Variants in USP8 observed in about 807,000 individuals in gnomAD.
USP8 encodes ubiquitin specific peptidase 8.
A neutral mutation model predicts 130.0 loss-of-function variants in USP8; 27 were observed. The ratio of observed to expected loss-of-function variants is 0.21; its 90% CI spans 0.15 to 0.29. The LOEUF is 0.29. USP8 is among the 10% of genes least tolerant of loss of function. The probability of loss-of-function intolerance (pLI) is 1.00; values close to 1 mark genes in which losing one functional copy is unlikely to be tolerated. For synonymous variants in USP8, 392 were observed against 444.1 expected (o/e 0.88, Z 1.48); for missense variants, 1,029 against 1,312.2 (o/e 0.78, Z 3.33).
intron 1 of USP8, among the ~76,000 whole-genome samples, chr15:50,435,912 T>G (rs1456192699): frequency 6.6e-6 from 1 of 152,184 alleles, no homozygotes; most frequent in Non-Finnish European, 1.5e-5. Flanking sequence ...TGTCTAATCA[T>G]TTGCCAAGTC....
chr15:50,438,309 C>T (rs749387975), intron 1 of USP8, among the ~76,000 whole-genome samples: 1 of 152,200 alleles, frequency 6.6e-6, no homozygotes, highest in African/African-American at 2.4e-5. Context: ...AGTAGCCAGA[C>T]GTGGTGGCTT....
At chr15:50,430,551 C>T (rs978410514) in intron 1 of USP8, among the ~76,000 whole-genome samples, 2 of 152,058 alleles carry the variant, frequency 1.3e-5, no homozygotes, top group Admixed American at 6.6e-5. Flanking sequence ...GCGCATGCCA[C>T]CATGCCCTGC....
intron 10 of USP8, among the ~76,000 whole-genome samples, chr15:50,479,981 G>A (rs550528651): frequency 6.6e-6 from 1 of 152,100 alleles, no homozygotes; most frequent in South Asian, 2.1e-4. Context: ...GGCTGGTCTC[G>A]AACTCCTGGC....
At chr15:50,481,295 G>A (rs1196061418) in intron 10 of USP8, among the ~76,000 whole-genome samples, 186 bp from the exon 11 acceptor site, 1 of 152,186 alleles carries the variant, frequency 6.6e-6, no homozygotes, top group Non-Finnish European at 1.5e-5. Context: ...TTCCAGTGAT[G>A]TTTGAATATC....
chr15:50,445,124 T>C (rs562711442), intron 3 of USP8, among the ~76,000 whole-genome samples: 2 of 152,306 alleles, frequency 1.3e-5, no homozygotes, highest in African/African-American at 4.8e-5. Context: ...ACTTCAGCTA[T>C]GTGAGGTGCT....
chr15:50,449,494 A>G lies in USP8; in HGVS notation c.335+9A>G. 6.7e-7 allele frequency: 1 copy of G among 1,481,860 alleles called. No homozygotes were observed. The highest frequency in any genetic ancestry group is 9.1e-7 in the Non-Finnish European group (1 of 1,096,154). The allele number at this position is 1,481,860 out of a possible 1,614,324, so 91.8% of individuals were successfully genotyped here. A position where few individuals can be genotyped will look rare whatever the true frequency, so the allele number is the denominator to read the frequency against. On this transcript the variant is annotated intron_variant, in intron 4 of 19. Transcript: ENST00000307179. Reference sequence around the variant, plus strand: ...GAAAGCCTTAAATTAAGGTACAGATATTATGAAATATTTAAAATAATGTAA... The same window carrying G: ...GAAAGCCTTAAATTAAGGTACAGATGTTATGAAATATTTAAAATAATGTAA...
At position 50,500,707 on chromosome 15, in the gene USP8, TC is replaced by T. The variant is rs1194544039; in HGVS notation, c.*1621del. On this transcript the variant is annotated 3_prime_UTR_variant, in exon 20 of 20. Coordinates refer to ENST00000307179, the MANE Select transcript of USP8 (RefSeq NM_005154.5). Reference sequence around the variant, plus strand: ...GGGCTGGCAGCTATAGAACAGGAGATCCATAGCATTTTGAACAGAAGTATCT... The same window carrying T: ...GGGCTGGCAGCTATAGAACAGGAGATCATAGCATTTTGAACAGAAGTATCT... 4.1e-6 allele frequency: 6 copies of T among 1,471,518 alleles called. No individual in the cohort carries two copies. The Admixed American group carries it at 9.8e-5, about 24-fold the overall frequency. The allele number at this position is 1,471,518 out of a possible 1,614,324, so 91.2% of individuals were successfully genotyped here.
intron 1 of USP8, among the ~76,000 whole-genome samples, chr15:50,425,012 A>G (rs927491321): frequency 6.6e-6 from 1 of 151,608 alleles, no homozygotes; most frequent in African/African-American, 2.4e-5. Flanking sequence ...TTTTTCCCCT[A>G]AAAAGTGCCT....
At chr15:50,468,718 A>G (rs779678526) in intron 7 of USP8, among the ~76,000 whole-genome samples, 7 of 152,014 alleles carry the variant, frequency 4.6e-5, no homozygotes, top group Non-Finnish European at 8.8e-5. Flanking sequence ...TCCCCCCTCA[A>G]GTAGACCCCA....
chr15:50,459,283 T>C, intron 5 of USP8, 121 bp downstream of exon 5: 8 of 1,336,164 alleles, frequency 6.0e-6, no homozygotes, highest in Non-Finnish European at 8.0e-6. Context: ...TTTAATGTTT[T>C]AATTAGAAAT....
At chr15:50,444,802 G>A (rs1162170150) in intron 3 of USP8, among the ~76,000 whole-genome samples, 1 of 152,134 alleles carries the variant, frequency 6.6e-6, no homozygotes, top group Non-Finnish European at 1.5e-5. Flanking sequence ...CGTCACCCAG[G>A]TTGGAGTGCG....
chr15:50,494,285 G>A lies in USP8; in HGVS notation c.2658+5G>A. 2 of 1,591,512 alleles carry A rather than the reference G, an allele frequency of 1.3e-6. No individual in the cohort carries two copies. Among genetic ancestry groups the A allele is most frequent in the Non-Finnish European group, 1.7e-6 (2 of 1,173,288 alleles). ...CTCCATGAAGATCTAAATAAAGTAA[G>A]AAATTTGATTTTTCTAAGTTGCAGA... On this transcript the variant is annotated splice_donor_5th_base_variant and intron_variant, in intron 16 of 19. Transcript: ENST00000307179.
chr15:50,479,751 GTTTTCTTTTTC>G (rs1292918821), intron 10 of USP8, among the ~76,000 whole-genome samples: 1 of 151,420 alleles, frequency 6.6e-6, no homozygotes, highest in Non-Finnish European at 1.5e-5. Flanking sequence ...CACTAACCTC[GTTTTCTTTTTC>G]TTTTCTTTTT....
At position 50,444,772 on chromosome 15, in the gene USP8, C is replaced by T. The variant is rs73403131; in HGVS notation, c.249+3279C>T. Reference sequence around the variant, plus strand: ...GTCTTAGAACTGTTTTTTGTTTGTTCTGAGACAGAATCTCACTTCCGTCAC... The same window carrying T: ...GTCTTAGAACTGTTTTTTGTTTGTTTTGAGACAGAATCTCACTTCCGTCAC... On this transcript the variant is annotated intron_variant, in intron 3 of 19. Coordinates refer to ENST00000307179, the MANE Select transcript of USP8 (RefSeq NM_005154.5). Among the ~76,000 whole-genome samples, 392 of 152,060 alleles carry T rather than the reference C, an allele frequency of 2.6e-3. 2 individuals carry two copies. The highest frequency in any genetic ancestry group is 8.8e-3 in the African/African-American group (365 of 41,492).
intron 12 of USP8, among the ~76,000 whole-genome samples, chr15:50,486,958 TTCTG>T (rs2051984236): frequency 6.6e-6 from 1 of 151,660 alleles, no homozygotes; most frequent in Non-Finnish European, 1.5e-5. Context: ...CATGATGAAA[TTCTG>T]TCTCAACAAA....
chr15:50,478,025 C>G (rs2051630007), intron 10 of USP8, among the ~76,000 whole-genome samples: 1 of 152,030 alleles, frequency 6.6e-6, no homozygotes, highest in Admixed American at 6.6e-5. Flanking sequence ...AAGGGGTTTC[C>G]AAGCCAGTTG....
intron 15 of USP8, 125 bp downstream of exon 15, chr15:50,493,038 AC>A: frequency 9.8e-7 from 1 of 1,019,708 alleles, no homozygotes; most frequent in Non-Finnish European, 1.5e-6. Context: ...TTTGTAAAGA[AC>A]AAAAATTTAT....
chr15:50,493,461 G>T (rs771836229), intron 15 of USP8: 3 of 519,006 alleles, frequency 5.8e-6, no homozygotes, highest in South Asian at 1.4e-5. Flanking sequence ...TTATCCTTAG[G>T]AATAATGAAG....
At chr15:50,486,913 A>G (rs530156094) in intron 12 of USP8, among the ~76,000 whole-genome samples, 26 of 152,178 alleles carry the variant, frequency 1.7e-4, no homozygotes, top group Admixed American at 7.2e-4. Context: ...TGGGAGGATC[A>G]TTTGAGTTCA....
Sources: allele counts gnomAD v4.1 joint callset (sites outside exome capture counted in the v4.1 genomes callset), GRCh38; gene constraint gnomAD v4.1.1; transcripts MANE v1.5; gene names NCBI Gene and HGNC (gene_info 2026-07-23, HGNC 2026-07-21).